PEX6: variants seen among roughly 807,000 people sequenced by gnomAD.
PEX6 encodes the protein peroxisomal biogenesis factor 6, also known as peroxisome biogenesis factor 6.
In PEX6, 55 loss-of-function variants were observed where a neutral mutation model predicts 85.6. The observed-to-expected ratio is 0.64, with a 90% CI of 0.52 to 0.80. PEX6 has a LOEUF of 0.80. PEX6 is among the 30% of genes least tolerant of loss of function. The probability of loss-of-function intolerance (pLI) is 0.00; values close to 1 mark genes in which losing one functional copy is unlikely to be tolerated. For missense variants in PEX6, 1,099 were observed against 1,260.3 expected (o/e 0.87, Z 1.94); for synonymous variants, 519 against 549.1 (o/e 0.95, Z 0.77).
At chr6:42,974,776 T>C (rs1300705262) in intron 2 of PEX6, 99 bp downstream of exon 2, 1 of 1,182,314 alleles carries the variant, frequency 8.5e-7, no homozygotes. Flanking sequence ...TGTGGCTTCT[T>C]TTAACCAGGG....
At chr6:42,974,278 G>A (rs958420702) in intron 2 of PEX6, among the ~76,000 whole-genome samples, 192 bp from the exon 3 acceptor site, 3 of 152,090 alleles carry the variant, frequency 2.0e-5, no homozygotes, top group African/African-American at 7.2e-5. Flanking sequence ...TAGAAAGGGG[G>A]ATCAGAGACA....
At position 42,965,425 on chromosome 6, in the gene PEX6, T is replaced by G; in HGVS notation, c.2472-57A>C. 2 of 1,296,428 alleles carry G rather than the reference T, an allele frequency of 1.5e-6. No individual in the cohort carries two copies. The highest frequency in any genetic ancestry group is 1.2e-5 in the South Asian group (1 of 84,454). The allele number at this position is 1,296,428 out of a possible 1,614,324, so 80.3% of individuals were successfully genotyped here. A position where few individuals can be genotyped will look rare whatever the true frequency, so the allele number is the denominator to read the frequency against. ...TGGTGTCCCCCTTAGACTCTGCCCC[T>G]GCCTGTGGTACCTCTCTTTACAGGC... On this transcript the variant is annotated intron_variant, in intron 13 of 16. Transcript: ENST00000304611. The surrounding 1 kb of genome is among the most constrained non-coding windows in gnomAD (Gnocchi z 5.0).
intron 3 of PEX6, among the ~76,000 whole-genome samples, chr6:42,970,925 C>T (rs1162271222): frequency 1.3e-5 from 2 of 152,174 alleles, no homozygotes; most frequent in African/African-American, 4.8e-5. Context: ...GTTATTCAAC[C>T]TACTAACGGG....
At chr6:42,972,511 C>T (rs1770096011) in intron 3 of PEX6, among the ~76,000 whole-genome samples, 1 of 152,164 alleles carries the variant, frequency 6.6e-6, no homozygotes, top group African/African-American at 2.4e-5. Flanking sequence ...TGGCTCACGC[C>T]TGTAATCCCA....
intron 3 of PEX6, among the ~76,000 whole-genome samples, chr6:42,972,070 T>C (rs16896188): frequency 0.065 from 9,765 of 150,664 alleles, 554 homozygotes; most frequent in East Asian, 0.16. Flanking sequence ...TACTGAGCAC[T>C]GGCCAGAACC....
At chr6:42,976,581 TC>T (rs1249894899) in intron 1 of PEX6, among the ~76,000 whole-genome samples, 1 of 152,168 alleles carries the variant, frequency 6.6e-6, no homozygotes, top group Non-Finnish European at 1.5e-5. Context: ...CAGGCTGGTC[TC>T]GAACTCCTGA....
chr6:42,974,448 TTTG>T (rs1770190288), intron 2 of PEX6, among the ~76,000 whole-genome samples: 3 of 86,580 alleles, frequency 3.5e-5, no homozygotes, highest in African/African-American at 1.2e-4. Context: ...AAATGTTTTT[TTTG>T]TTTTTTTTTT....
In PEX6 at chr6:42,964,306, T is replaced by C; in HGVS notation, c.*29A>G. ...GCTATCAAGGTACCTGCAGCCATGC[T>C]GAGCGGGGTCCCAGACCCTGGGGGG... On this transcript the variant is annotated 3_prime_UTR_variant, in exon 17 of 17. Coordinates refer to ENST00000304611, the MANE Select transcript of PEX6 (RefSeq NM_000287.4). This position sits in a 1 kb window ranked among gnomAD's most constrained non-coding sequence, Gnocchi z 4.6. 6.2e-7 allele frequency: 1 copy of C among 1,612,874 alleles called. No homozygotes were observed. Among genetic ancestry groups the C allele is most frequent in the Non-Finnish European group, 8.5e-7 (1 of 1,179,626 alleles).
In PEX6 at chr6:42,968,349, C is replaced by G. The variant is rs1349978110; in HGVS notation, c.1629G>C (p.Glu543Asp). Residue 543 changes from glutamate (E) to aspartate (D), a missense_variant, in exon 7 of 17, where the codon GAG becomes GAC. Coordinates refer to ENST00000304611, the MANE Select transcript of PEX6 (RefSeq NM_000287.4). ...GCAGCACAGCCATCACACGGGCATC[C>G]TCACCCAGCCCATCACGGTCCCGGC... ...LLGRDRDGLG[E>D]DARVMAVLRH... 1 of 1,614,040 alleles carries G rather than the reference C, an allele frequency of 6.2e-7. No homozygotes were observed. Among genetic ancestry groups the G allele is most frequent in the African/African-American group, 1.3e-5 (1 of 74,940 alleles).
At chr6:42,967,062 C>T (rs553899981) in intron 8 of PEX6, among the ~76,000 whole-genome samples, 3 of 149,606 alleles carry the variant, frequency 2.0e-5, no homozygotes, top group Admixed American at 6.7e-5. Flanking sequence ...AACTTCCACC[C>T]GGGTTCAAGC....
In PEX6 at chr6:42,969,591, T is replaced by G. The variant is rs190525991; in HGVS notation, c.1367+77A>C. ...CCACTCTGGCCAGTTCATTAGGAAC[T>G]ACCCATCTGGCTGCTGCTCCTCCAG... On this transcript the variant is annotated intron_variant, in intron 5 of 16. Coordinates refer to ENST00000304611, the MANE Select transcript of PEX6 (RefSeq NM_000287.4). 5.7e-6 allele frequency: 9 copies of G among 1,572,818 alleles called. No individual in the cohort carries two copies. The Admixed American group carries it at 6.7e-5, about 12-fold the overall frequency.
chr6:42,969,907 G>C lies in PEX6; in HGVS notation c.1211C>G (p.Thr404Ser). Residue 404 changes from threonine to serine, a missense_variant, in exon 4 of 17, where the codon ACC becomes AGC. Thr to Ser is a moderately conservative substitution (Grantham distance 58, BLOSUM62 1). This residue lies in a region of PEX6 where 579 missense variants were observed against 611.6 expected (regional missense o/e 0.95). Coordinates refer to ENST00000304611, the MANE Select transcript of PEX6 (RefSeq NM_000287.4). ...CACCATGTACAAGGAGGTATGGGTGGTGTCGGCCAAGTAGGCACTGGCTGG... is the reference window on the plus strand; with the variant it reads ...CACCATGTACAAGGAGGTATGGGTGCTGTCGGCCAAGTAGGCACTGGCTGG... ...DGPASAYLAD[T>S]THTSLYMVGS... 6.2e-7 allele frequency: 1 copy of C among 1,614,224 alleles called. No homozygotes were observed. Among genetic ancestry groups the C allele is most frequent in the Non-Finnish European group, 8.5e-7 (1 of 1,180,026 alleles).
At chr6:42,968,543 G>A (rs753787600) in intron 6 of PEX6, 45 bp from the exon 7 acceptor site, 34 of 1,487,004 alleles carry the variant, frequency 2.3e-5, no homozygotes, top group Non-Finnish European at 3.1e-5. Flanking sequence ...GGGAAAGCAT[G>A]ACAAGGGCAG....
rs1769748329 is a variant in PEX6 at position 42,965,503 on chromosome 6, G to GC, written c.2472-136dup. 6 of 895,082 alleles carry GC rather than the reference G, an allele frequency of 6.7e-6. No individual in the cohort carries two copies. In the East Asian group the frequency reaches 1.4e-4, roughly 21 times the overall value. 55.4% of individuals were successfully genotyped at this position (895,082 alleles called of 1,614,324 possible). ...GTGCCCAATGTGCCCCACCAGGTAGGCCCCCATTCTCCTCAGTGGACCCTG... is the reference window on the plus strand; with the variant it reads ...GTGCCCAATGTGCCCCACCAGGTAGGCCCCCCATTCTCCTCAGTGGACCCTG... On this transcript the variant is annotated intron_variant, in intron 13 of 16. Transcript: ENST00000304611. This position sits in a 1 kb window ranked among gnomAD's most constrained non-coding sequence, Gnocchi z 5.0.
At chr6:42,973,867 C>G in intron 3 of PEX6, 136 bp downstream of exon 3, 2 of 697,646 alleles carry the variant, frequency 2.9e-6, no homozygotes. Context: ...CTGTTACACA[C>G]ACACACGCAC....
intron 1 of PEX6, among the ~76,000 whole-genome samples, chr6:42,976,039 C>A (rs528533963): frequency 4.7e-4 from 71 of 151,684 alleles, no homozygotes; most frequent in African/African-American, 1.5e-3. Flanking sequence ...CAGGCATGTG[C>A]CACCACACCT....
At position 42,967,435 on chromosome 6, in the gene PEX6, C is replaced by T. The variant is rs780239941; in HGVS notation, c.1817G>A (p.Arg606Gln). 6.2e-6 allele frequency: 10 copies of T among 1,612,952 alleles called. No homozygotes were observed. Among genetic ancestry groups the T allele is most frequent in the Non-Finnish European group, 8.5e-6 (10 of 1,179,808 alleles). The stretch of plus-strand genomic sequence containing the variant: ...CAGGGGAAGGTGGGCAGTGAGGGCC[C>T]GCAGGATGCTGAGCCGCTGCCCCTC... ...LSEGQRLSIL[R>Q]ALTAHLPLGQ... The change falls in exon 8 of 17, where the codon CGG (arginine) becomes CAG (glutamine). Residue 606 changes from arginine (R) to glutamine (Q), a missense_variant. This residue lies in a region of PEX6 where 514 missense variants were observed against 627.0 expected (regional missense o/e 0.82). Transcript: ENST00000304611.
chr6:42,974,068 A>G lies in PEX6; in HGVS notation c.1065T>C (p.Asp355=). 1.2e-6 allele frequency: 2 copies of G among 1,613,860 alleles called. No homozygotes were observed. Among genetic ancestry groups the G allele is most frequent in the Non-Finnish European group, 1.7e-6 (2 of 1,179,850 alleles). ...GCCCAATTGTTGGCACACATAGAACATCCCCTTCCTGGACTACCCTGCAAC... is the reference window on the plus strand; with the variant it reads ...GCCCAATTGTTGGCACACATAGAACGTCCCCTTCCTGGACTACCCTGCAAC... ...FQIPRVVQEG[D]VLCVPTIGQV... Residue 355 remains aspartate (D), a synonymous_variant, in exon 3 of 17, where the codon GAT becomes GAC. Coordinates refer to ENST00000304611, the MANE Select transcript of PEX6 (RefSeq NM_000287.4).
intron 1 of PEX6, among the ~76,000 whole-genome samples, chr6:42,975,599 C>A (rs557449509): frequency 6.6e-6 from 1 of 152,120 alleles, no homozygotes; most frequent in Non-Finnish European, 1.5e-5. Context: ...CCCAGTAGAA[C>A]TCTCTACAAT....
Sources: allele counts gnomAD v4.1 joint callset (sites outside exome capture counted in the v4.1 genomes callset), GRCh38; gene constraint gnomAD v4.1.1; regional missense constraint gnomAD v4.1.1; non-coding constraint Gnocchi (gnomAD v3.1); transcripts MANE v1.5; gene names NCBI Gene and HGNC (gene_info 2026-07-23, HGNC 2026-07-21).